The following TBC1D5 variants were observed in gnomAD, a reference collection of about 807,000 sequenced individuals.
The protein encoded by TBC1D5 is TBC1 domain family member 5, also known as TBC1 domain family, member 5.
Under a neutral mutation model 100.3 loss-of-function variants are expected in TBC1D5, and 75 were observed. The observed-to-expected ratio is 0.75, with a 90% CI of 0.62 to 0.91. The LOEUF is 0.91. Ranked by LOEUF, TBC1D5 falls within the 40% of genes least tolerant of loss-of-function variation. The pLI is 0.00. For missense variants in TBC1D5, 910 were observed against 942.4 expected (o/e 0.97, Z 0.45); for synonymous variants, 323 against 325.6 (o/e 0.99, Z 0.09).
intron 8 of TBC1D5, among the ~76,000 whole-genome samples, chr3:17,384,810 G>A (rs943779260): frequency 6.6e-6 from 1 of 152,060 alleles, no homozygotes; most frequent in Non-Finnish European, 1.5e-5. Context: ...TGCCTGCTGG[G>A]AGCAGGACAG....
At chr3:17,167,622 G>T (rs753555369) in intron 20 of TBC1D5, 127 bp downstream of exon 21, 1 of 759,680 alleles carries the variant, frequency 1.3e-6, no homozygotes, top group Non-Finnish European at 2.2e-6. Flanking sequence ...ATGCAGAAGG[G>T]GCTCTGTCTG....
chr3:17,603,196 C>T (rs1354582128), intron 2 of TBC1D5, among the ~76,000 whole-genome samples: 2 of 147,948 alleles, frequency 1.4e-5, no homozygotes, highest in African/African-American at 5.0e-5. Flanking sequence ...TGCTCTGTCA[C>T]CCAGGCTGGA....
intron 2 of TBC1D5, among the ~76,000 whole-genome samples, chr3:17,622,213 G>C (rs1001107947): frequency 6.6e-6 from 1 of 152,052 alleles, no homozygotes; most frequent in Non-Finnish European, 1.5e-5. Flanking sequence ...TTCGTAACAG[G>C]GTTTGCACAC....
chr3:17,348,453 G>A (rs1054268675), intron 13 of TBC1D5, among the ~76,000 whole-genome samples: 2 of 152,054 alleles, frequency 1.3e-5, no homozygotes, highest in African/African-American at 2.4e-5. Flanking sequence ...TGCAGGTGAC[G>A]CAGTGTTGCT....
At chr3:17,366,765 A>C (rs1244637942) in intron 13 of TBC1D5, among the ~76,000 whole-genome samples, 1 of 152,194 alleles carries the variant, frequency 6.6e-6, no homozygotes, top group Non-Finnish European at 1.5e-5. Flanking sequence ...GTTAAAAAAA[A>C]ACTTGGCATT....
At position 17,308,152 on chromosome 3, in the gene TBC1D5, A is replaced by T; in HGVS notation, c.996-18T>A. The T allele has an allele frequency of 6.4e-7, 1 of 1,564,048 alleles. No individual in the cohort carries two copies. The highest frequency in any genetic ancestry group is 8.6e-7 in the Non-Finnish European group (1 of 1,165,964). On this transcript the variant is annotated intron_variant, in intron 13 of 21. Transcript: ENST00000253692. Reference sequence around the variant, plus strand: ...CCCACCTTCTGGAAAGAAACAAAACAAAAATTCAGAAGACAGTACTTTTGA... The same window carrying T: ...CCCACCTTCTGGAAAGAAACAAAACTAAAATTCAGAAGACAGTACTTTTGA...
At chr3:17,354,662 T>C (rs1050543166) in intron 13 of TBC1D5, among the ~76,000 whole-genome samples, 12 of 151,962 alleles carry the variant, frequency 7.9e-5, no homozygotes, top group African/African-American at 2.4e-4. Context: ...AGATAGGCTT[T>C]ATGATGTGCA....
intron 1 of TBC1D5, among the ~76,000 whole-genome samples, chr3:17,663,648 G>A (rs2066903916): frequency 6.6e-6 from 1 of 152,182 alleles, no homozygotes; most frequent in African/African-American, 2.4e-5. Context: ...TAAGTATCAA[G>A]AGACTTGTAA....
intron 3 of TBC1D5, among the ~76,000 whole-genome samples, chr3:17,483,153 A>C (rs73153039): frequency 0.091 from 13,824 of 152,166 alleles, 1,413 homozygotes; most frequent in African/African-American, 0.25. Context: ...TATTGCCTAG[A>C]TGTAAGAACA....
At chr3:17,564,202 A>G (rs896138531) in intron 2 of TBC1D5, among the ~76,000 whole-genome samples, 2 of 152,186 alleles carry the variant, frequency 1.3e-5, no homozygotes, top group Non-Finnish European at 2.9e-5. Context: ...AAATTGGAGG[A>G]AAAAAACGAC....
At chr3:17,447,915 G>A (rs1054644514) in intron 3 of TBC1D5, among the ~76,000 whole-genome samples, 3 of 152,060 alleles carry the variant, frequency 2.0e-5, no homozygotes, top group African/African-American at 4.8e-5. Context: ...TTTGCATCTC[G>A]CCATTTTTAA....
chr3:17,695,290 A>G (rs940028975), intron 1 of TBC1D5, among the ~76,000 whole-genome samples: 2 of 152,236 alleles, frequency 1.3e-5, no homozygotes, highest in African/African-American at 4.8e-5. Flanking sequence ...CAATTAAAAG[A>G]CGCGGACTGG....
At chr3:17,293,338 TA>T (rs1321982885) in intron 14 of TBC1D5, among the ~76,000 whole-genome samples, 2 of 152,218 alleles carry the variant, frequency 1.3e-5, no homozygotes, top group Non-Finnish European at 2.9e-5. Context: ...AATTAAGACT[TA>T]ATCAATTCAC....
At chr3:17,530,115 A>C (rs1433165436) in intron 2 of TBC1D5, among the ~76,000 whole-genome samples, 2 of 151,966 alleles carry the variant, frequency 1.3e-5, no homozygotes, top group African/African-American at 4.8e-5. Flanking sequence ...ATGGTGGCAC[A>C]TGCCTGTAGT....
chr3:17,302,929 G>A (rs1258804263), intron 14 of TBC1D5, among the ~76,000 whole-genome samples: 1 of 152,192 alleles, frequency 6.6e-6, no homozygotes, highest in African/African-American at 2.4e-5. Flanking sequence ...AAGACATTAT[G>A]AGTCAGAATC....
At chr3:17,725,845 T>C (rs2076081505) in intron 1 of TBC1D5, among the ~76,000 whole-genome samples, 1 of 152,224 alleles carries the variant, frequency 6.6e-6, no homozygotes, top group African/African-American at 2.4e-5. Context: ...GGTACTTTTA[T>C]GATCATCTCC....
chr3:17,160,918 C>G (rs2065963008), exon 22 of TBC1D5: 1 of 1,579,112 alleles, frequency 6.3e-7, no homozygotes, highest in Non-Finnish European at 8.6e-7. Context: ...CTTGGGGCCA[C>G]TGAAGGGTGG....
At chr3:17,633,145 C>A (rs2063631600) in intron 1 of TBC1D5, among the ~76,000 whole-genome samples, 1 of 152,086 alleles carries the variant, frequency 6.6e-6, no homozygotes, top group Admixed American at 6.6e-5. Flanking sequence ...ATTTAAAAAA[C>A]TACTCATCCG....
intron 8 of TBC1D5, among the ~76,000 whole-genome samples, chr3:17,392,314 T>C (rs989549743): frequency 6.6e-6 from 1 of 152,104 alleles, no homozygotes; most frequent in Non-Finnish European, 1.5e-5. Flanking sequence ...GGTCCAGTCT[T>C]ATGCTAACAT....
Sources: allele counts gnomAD v4.1 joint callset (sites outside exome capture counted in the v4.1 genomes callset), GRCh38; gene constraint gnomAD v4.1.1; transcripts MANE v1.5; gene names NCBI Gene and HGNC (gene_info 2026-07-23, HGNC 2026-07-21).